Variants in HPGD observed in about 807,000 individuals in gnomAD.
The protein encoded by HPGD is 15-hydroxyprostaglandin dehydrogenase.
In HPGD, 29 loss-of-function variants were observed where a neutral mutation model predicts 30.0. That is an observed-to-expected ratio of 0.97 (90% CI 0.72 to 1.32). The LOEUF (loss-of-function observed/expected upper bound fraction) is 1.32. HPGD is among the 40% of genes most tolerant of loss of function. HPGD has a pLI of 0.00. For missense variants in HPGD, 340 were observed against 322.1 expected (o/e 1.06, Z -0.43); for synonymous variants, 99 against 112.4 (o/e 0.88, Z 0.75).
chr4:174,500,753 C>G (rs1734860958), intron 4 of HPGD, among the ~76,000 whole-genome samples: 1 of 152,098 alleles, frequency 6.6e-6, no homozygotes, highest in Non-Finnish European at 1.5e-5. Flanking sequence ...AAGGGATGAA[C>G]AGGTGGAGAA....
intron 4 of HPGD, among the ~76,000 whole-genome samples, chr4:174,505,005 G>A (rs903612997): frequency 6.6e-6 from 1 of 152,110 alleles, no homozygotes; most frequent in Non-Finnish European, 1.5e-5. Context: ...TGTATATTAT[G>A]TTTATAAATA....
chr4:174,509,137 T>C (rs2555629), intron 3 of HPGD, among the ~76,000 whole-genome samples: 2 of 151,978 alleles, frequency 1.3e-5, no homozygotes, highest in Non-Finnish European at 2.9e-5. Context: ...AAATGTTGGA[T>C]GCAAAATTTA....
intron 4 of HPGD, among the ~76,000 whole-genome samples, chr4:174,505,492 A>C (rs1386806768): frequency 6.6e-6 from 1 of 152,202 alleles, no homozygotes; most frequent in Non-Finnish European, 1.5e-5. Context: ...CAAGGGCATA[A>C]AATTGTTGAT....
chr4:174,515,615 A>C (rs1735730128), intron 3 of HPGD, among the ~76,000 whole-genome samples: 1 of 58,280 alleles, frequency 1.7e-5, no homozygotes, highest in African/African-American at 9.4e-5. Flanking sequence ...CAAAACCAAA[A>C]ATAGATGGGA....
chr4:174,521,238 A>C (rs1736092951), intron 2 of HPGD, among the ~76,000 whole-genome samples: 1 of 152,122 alleles, frequency 6.6e-6, no homozygotes, highest in African/African-American at 2.4e-5. Flanking sequence ...AAAAAAAAAA[A>C]ACAGCTTTAT....
In HPGD at chr4:174,512,145, G is replaced by A. The variant is rs17060581; in HGVS notation, c.325-3353C>T. ...TAAAAGTAGAAGGACAGATGATACC[G>A]TTTGGAAGAACTAATGTATTTGGAA... On this transcript the variant is annotated intron_variant, in intron 3 of 6. Coordinates refer to ENST00000296522, the MANE Select transcript of HPGD (RefSeq NM_000860.6). Among the ~76,000 whole-genome samples the A allele has an allele frequency of 4.4e-3, 671 of 152,270 alleles. 12 individuals are homozygous for A. In the East Asian group the frequency reaches 0.055, roughly 12 times the overall value.
chr4:174,519,363 A>G (rs564769561), intron 2 of HPGD, among the ~76,000 whole-genome samples: 46 of 151,910 alleles, frequency 3.0e-4, no homozygotes, highest in East Asian at 1.2e-3. Flanking sequence ...ACAGGCGCCC[A>G]CCACCACGCC....
intron 4 of HPGD, among the ~76,000 whole-genome samples, chr4:174,508,413 T>C (rs1029662603): frequency 6.6e-5 from 10 of 152,290 alleles, no homozygotes; most frequent in African/African-American, 2.4e-4. Flanking sequence ...CTTAGGAGTC[T>C]CACCACAACC....
intron 4 of HPGD, among the ~76,000 whole-genome samples, chr4:174,502,962 A>G (rs1262387021): frequency 2.0e-5 from 3 of 152,152 alleles, no homozygotes; most frequent in Non-Finnish European, 2.9e-5. Flanking sequence ...TCTCTGTCCT[A>G]TCGAAATCAG....
At chr4:174,506,845 C>T (rs1220091688) in intron 4 of HPGD, 1 of 152,188 alleles carries the variant, frequency 6.6e-6, no homozygotes, top group African/African-American at 2.4e-5. Flanking sequence ...AACTCTGAGG[C>T]TTTCAGCCTT....
intron 4 of HPGD, among the ~76,000 whole-genome samples, chr4:174,503,190 G>A (rs1330339155): frequency 1.3e-5 from 2 of 151,926 alleles, no homozygotes; most frequent in African/African-American, 2.4e-5. Flanking sequence ...GAGCAAAATG[G>A]ACTCTGCAGA....
At chr4:174,505,774 C>T (rs45527531) in intron 4 of HPGD, among the ~76,000 whole-genome samples, 4,054 of 152,070 alleles carry the variant, frequency 0.027, 198 homozygotes, top group African/African-American at 0.093. Context: ...GCTGGAATTA[C>T]GAAGAGAGGG....
intron 3 of HPGD, among the ~76,000 whole-genome samples, chr4:174,512,666 G>C (rs1377954943): frequency 1.3e-5 from 2 of 152,200 alleles, no homozygotes; most frequent in African/African-American, 4.8e-5. Context: ...ACGGGTTTAG[G>C]TAGGAGGGGA....
upstream of HPGD, chr4:174,522,523 CTG>C: frequency 8.2e-7 from 1 of 1,220,140 alleles, no homozygotes; most frequent in South Asian, 1.6e-5. Context: ...TTATGCCCCC[CTG>C]CGCGCGCGCG....
In HPGD at chr4:174,497,568, C is replaced by CTTTTCTTTTTTTTTTTTTTTTTTTTTTT. The variant is rs1553998366; in HGVS notation, c.422-1945_422-1944insAAAAAAAAAAAAAAAAAAAAAAAGAAAA. 3.3e-4 allele frequency among the ~76,000 whole-genome samples: 17 copies of CTTTTCTTTTTTTTTTTTTTTTTTTTTTT among 51,114 alleles called. 2 individuals are homozygous for CTTTTCTTTTTTTTTTTTTTTTTTTTTTT. Among genetic ancestry groups the CTTTTCTTTTTTTTTTTTTTTTTTTTTTT allele is most frequent in the African/African-American group, 1.0e-3 (15 of 14,960 alleles). The allele number at this position is 51,114 out of a possible 152,430, so 33.5% of individuals were successfully genotyped here. On this transcript the variant is annotated intron_variant, in intron 4 of 6. Coordinates refer to ENST00000296522, the MANE Select transcript of HPGD (RefSeq NM_000860.6). Reference sequence around the variant, plus strand: ...CACTTTCTTTTCTTTCTTTTTCTTTCTTTTTTTTTTTTTTTTTTTTTTTTT... The same window carrying CTTTTCTTTTTTTTTTTTTTTTTTTTTTT: ...CACTTTCTTTTCTTTCTTTTTCTTTCTTTTCTTTTTTTTTTTTTTTTTTTTTTTTTTTTTTTTTTTTTTTTTTTTTTTT...
rs533065189 is a variant in HPGD at position 174,496,891 on chromosome 4, C to T, written c.422-1267G>A. 2.3e-4 allele frequency among the ~76,000 whole-genome samples: 35 copies of T among 152,314 alleles called. No individual in the cohort carries two copies. The South Asian group carries it at 6.6e-3, about 29-fold the overall frequency. On this transcript the variant is annotated intron_variant, in intron 4 of 6. Coordinates refer to ENST00000296522, the MANE Select transcript of HPGD (RefSeq NM_000860.6). The surrounding 1 kb of genome is among the most constrained non-coding windows in gnomAD (Gnocchi z 4.6). ...GGATGGTAGATCACACCTAGTGTGT[C>T]CACCCAATGATTTCAAAGTATTGTT...
Position 174,491,015 on chromosome 4 carries a change from G to A in HPGD, c.*941C>T, listed in dbSNP as rs886059247. 6.6e-6 allele frequency: 1 copy of A among 152,402 alleles called. No individual in the cohort carries two copies. The highest frequency in any genetic ancestry group is 1.5e-5 in the Non-Finnish European group (1 of 67,964). The allele number at this position is 152,402 out of a possible 1,614,324, so 9.4% of individuals were successfully genotyped here. A position where few individuals can be genotyped will look rare whatever the true frequency, so the allele number is the denominator to read the frequency against. On this transcript the variant is annotated 3_prime_UTR_variant, in exon 7 of 7. Transcript: ENST00000296522. ...GGGTACAAAAACATTTACAGTTGTG[G>A]CTGTGGCAAAATTGGTTTTATTTCC...
intron 4 of HPGD, among the ~76,000 whole-genome samples, chr4:174,500,102 G>A (rs1180635360): frequency 3.3e-5 from 5 of 152,076 alleles, no homozygotes; most frequent in Non-Finnish European, 5.9e-5. Context: ...ACTATAGTGG[G>A]TGCTCAGCCT....
intron 4 of HPGD, among the ~76,000 whole-genome samples, chr4:174,500,779 A>G (rs899566370): frequency 6.6e-6 from 1 of 152,186 alleles, no homozygotes; most frequent in African/African-American, 2.4e-5. Context: ...TTTTTAGGGT[A>G]GTAAACCACT....
Sources: gnomAD v4.1 joint callset for allele counts (sites outside exome capture counted in the v4.1 genomes callset) on GRCh38, gnomAD v4.1.1 for gene constraint, Gnocchi (gnomAD v3.1) non-coding constraint, MANE v1.5 for transcripts, NCBI Gene and HGNC (gene_info 2026-07-23, HGNC 2026-07-21) for gene names.